ANKS1B: variants seen among roughly 807,000 people sequenced by gnomAD.
The protein encoded by ANKS1B is ankyrin repeat and sterile alpha motif domain containing 1B, also known as ankyrin repeat and sterile alpha motif domain-containing protein 1B.
In ANKS1B, 36 loss-of-function variants were observed where a neutral mutation model predicts 148.3. The ratio of observed to expected loss-of-function variants is 0.24; its 90% CI spans 0.19 to 0.32. The LOEUF (loss-of-function observed/expected upper bound fraction) is 0.32, where lower values mean the gene tolerates loss of function less well. Among genes scored for constraint, ANKS1B ranks in the 10% least tolerant of loss-of-function variants. The probability of loss-of-function intolerance (pLI) is 1.00; values close to 1 mark genes in which losing one functional copy is unlikely to be tolerated. For synonymous variants in ANKS1B, 542 were observed against 560.8 expected, an observed-to-expected ratio of 0.97 and a Z score of 0.47; for missense variants, 1,157 against 1,542.6, an observed-to-expected ratio of 0.75 and a Z score of 4.19.
chr12:99,950,930 A>G (rs942709470), intron 1 of ANKS1B, among the ~76,000 whole-genome samples: 5 of 152,222 alleles, frequency 3.3e-5, no homozygotes, highest in Admixed American at 6.5e-5. Flanking sequence ...GAAATCACAC[A>G]TAAGATATAA....
At chr12:99,403,104 C>T (rs2094447474) in intron 11 of ANKS1B, among the ~76,000 whole-genome samples, 1 of 138,386 alleles carries the variant, frequency 7.2e-6, no homozygotes, top group Non-Finnish European at 1.6e-5. Flanking sequence ...TAATTGTTAG[C>T]TGCATGTATG....
chr12:99,570,571 C>T (rs2097443485), intron 9 of ANKS1B, among the ~76,000 whole-genome samples: 1 of 150,728 alleles, frequency 6.6e-6, no homozygotes, highest in Non-Finnish European at 1.5e-5. Context: ...GGCGTGAACC[C>T]AGGAGGCGGG....
At chr12:98,881,061 A>G (rs550315482) in intron 17 of ANKS1B, among the ~76,000 whole-genome samples, 1 of 152,352 alleles carries the variant, frequency 6.6e-6, no homozygotes, top group East Asian at 1.9e-4. Flanking sequence ...TTTAAAAATT[A>G]GGCAAACACG....
intron 1 of ANKS1B, among the ~76,000 whole-genome samples, chr12:99,871,682 GT>G (rs1354887074): frequency 6.6e-6 from 1 of 152,040 alleles, no homozygotes; most frequent in Non-Finnish European, 1.5e-5. Context: ...GCTATTGTAA[GT>G]GAAATTGTGT....
chr12:99,688,231 T>C (rs2098660416), intron 8 of ANKS1B, among the ~76,000 whole-genome samples: 1 of 152,194 alleles, frequency 6.6e-6, no homozygotes, highest in African/African-American at 2.4e-5. Context: ...ACCTCTCCAA[T>C]ACCCTGAGCT....
chr12:99,658,105 C>G (rs1431086413), intron 8 of ANKS1B, among the ~76,000 whole-genome samples: 2 of 152,060 alleles, frequency 1.3e-5, no homozygotes, highest in Non-Finnish European at 2.9e-5. Flanking sequence ...CCTAATCATG[C>G]TCTATGCTTT....
chr12:99,641,950 C>T (rs1025166818), intron 9 of ANKS1B, among the ~76,000 whole-genome samples: 1 of 151,954 alleles, frequency 6.6e-6, no homozygotes, highest in Non-Finnish European at 1.5e-5. Context: ...TCCATAGGGA[C>T]TATGGGAAAG....
chr12:99,125,482 T>A (rs907940571), intron 15 of ANKS1B, among the ~76,000 whole-genome samples: 1 of 152,228 alleles, frequency 6.6e-6, no homozygotes, highest in Non-Finnish European at 1.5e-5. Context: ...TGGGCTGCCA[T>A]GTCATTAGAA....
rs1182621050 is a variant in ANKS1B, at chr12:99,856,346, C to A, written c.135-30957G>T. Among the ~76,000 whole-genome samples the A allele has an allele frequency of 2.0e-5, 3 of 151,958 alleles. No individual in the cohort carries two copies. The East Asian group carries it at 5.8e-4, about 29-fold the overall frequency. On this transcript the variant is annotated intron_variant, in intron 1 of 26. Coordinates refer to ENST00000683438, the MANE Select transcript of ANKS1B (RefSeq NM_001352186.2). ...GATAAATTCCTGGAAATATACAGCCCTCCTACATTAAACCAAGAAGTAGAA... is the reference window on the plus strand; with the variant it reads ...GATAAATTCCTGGAAATATACAGCCATCCTACATTAAACCAAGAAGTAGAA...
chr12:98,992,619 G>A (rs555191233), intron 17 of ANKS1B, among the ~76,000 whole-genome samples: 1 of 152,162 alleles, frequency 6.6e-6, no homozygotes, highest in Non-Finnish European at 1.5e-5. Context: ...AGAACTGTGA[G>A]TCAATTAAAC....
intron 12 of ANKS1B, among the ~76,000 whole-genome samples, chr12:99,380,103 G>C (rs1459514221): frequency 1.3e-5 from 2 of 152,132 alleles, no homozygotes; most frequent in African/African-American, 2.4e-5. Flanking sequence ...GTTGAACCAA[G>C]GGCATTTTCA....
chr12:98,844,174 C>T (rs2099429553), intron 17 of ANKS1B, among the ~76,000 whole-genome samples: 1 of 152,112 alleles, frequency 6.6e-6, no homozygotes, highest in South Asian at 2.1e-4. Flanking sequence ...ACTCTATATG[C>T]CTTTTGGTCA....
intron 12 of ANKS1B, among the ~76,000 whole-genome samples, chr12:99,279,394 C>T (rs1334067222): frequency 1.3e-5 from 2 of 152,168 alleles, no homozygotes; most frequent in African/African-American, 4.8e-5. Context: ...TGTACAGCCA[C>T]TCCCATAATC....
chr12:99,059,850 T>C (rs2041812440), intron 16 of ANKS1B, among the ~76,000 whole-genome samples: 1 of 134,872 alleles, frequency 7.4e-6, no homozygotes, highest in Non-Finnish European at 1.5e-5. Flanking sequence ...TCACATTTCT[T>C]TCATGTATCT....
intron 1 of ANKS1B, among the ~76,000 whole-genome samples, chr12:99,885,180 A>G (rs749109691): frequency 2.0e-5 from 3 of 151,950 alleles, no homozygotes; most frequent in Non-Finnish European, 4.4e-5. Flanking sequence ...GCTAAATGCT[A>G]TTTGATTTTC....
chr12:98,971,958 A>G (rs770806551), intron 17 of ANKS1B, among the ~76,000 whole-genome samples: 3 of 152,192 alleles, frequency 2.0e-5, no homozygotes, highest in Non-Finnish European at 2.9e-5. Flanking sequence ...ACTTGAGGTC[A>G]GGAGTTCAAG....
At chr12:99,102,306 G>A (rs2058128415) in intron 15 of ANKS1B, among the ~76,000 whole-genome samples, 1 of 152,170 alleles carries the variant, frequency 6.6e-6, no homozygotes, top group Non-Finnish European at 1.5e-5. Context: ...CAAAAGGGGT[G>A]GAGACAATGA....
intron 17 of ANKS1B, among the ~76,000 whole-genome samples, chr12:98,892,633 T>C (rs2099755049): frequency 6.6e-6 from 1 of 152,256 alleles, no homozygotes; most frequent in Non-Finnish European, 1.5e-5. Flanking sequence ...TTAGTAACTA[T>C]TCAGAGATTA....
intron 17 of ANKS1B, among the ~76,000 whole-genome samples, chr12:98,961,252 A>T (rs12316299): frequency 0.067 from 10,167 of 152,180 alleles, 886 homozygotes; most frequent in African/African-American, 0.2. Context: ...TTCGGAAGAA[A>T]TAATATAAAT....
Sources: allele counts gnomAD v4.1 joint callset (sites outside exome capture counted in the v4.1 genomes callset), GRCh38; gene constraint gnomAD v4.1.1; transcripts MANE v1.5; gene names NCBI Gene and HGNC (gene_info 2026-07-23, HGNC 2026-07-21).